ZNF343: variants seen among roughly 807,000 people sequenced by gnomAD.
ZNF343 encodes zinc finger protein 343.
A neutral mutation model predicts 13.8 loss-of-function variants in ZNF343; 11 were observed. That is an observed-to-expected ratio of 0.80 (90% CI 0.50 to 1.32). The LOEUF is 1.32. Ranked by LOEUF, ZNF343 falls within the 40% of genes most tolerant of loss-of-function variation. The probability of loss-of-function intolerance (pLI) is 0.00; values close to 1 mark genes in which losing one functional copy is unlikely to be tolerated. For synonymous variants in ZNF343, 248 were observed against 260.0 expected, an observed-to-expected ratio of 0.95 and a Z score of 0.44; for missense variants, 658 against 714.2, an observed-to-expected ratio of 0.92 and a Z score of 0.90.
chr20:2,516,637 T>C (rs1039449347), intron 1 of ZNF343, among the ~76,000 whole-genome samples: 5 of 151,784 alleles, frequency 3.3e-5, no homozygotes, highest in African/African-American at 9.7e-5. Context: ...CAAGGGCAAG[T>C]GTCAAGATGA....
chr20:2,509,229 A>G (rs1473499148), upstream of ZNF343: 2 of 152,166 alleles, frequency 1.3e-5, no homozygotes, highest in African/African-American at 2.4e-5. Context: ...AGCGGGAGCA[A>G]TGCGCTGTCT....
intron 2 of ZNF343, among the ~76,000 whole-genome samples, chr20:2,494,382 G>T (rs989261096): frequency 2.6e-5 from 4 of 152,096 alleles, no homozygotes; most frequent in African/African-American, 9.7e-5. Context: ...TGTGGAGAAA[G>T]AGCCTCTGAC....
At chr20:2,488,191 C>T (rs749428773) in intron 5 of ZNF343, among the ~76,000 whole-genome samples, 1 of 152,108 alleles carries the variant, frequency 6.6e-6, no homozygotes, top group Non-Finnish European at 1.5e-5. Flanking sequence ...TTTAGAAAAC[C>T]TTTTCCTGTG....
chr20:2,502,189 G>A (rs1003601046), intron 1 of ZNF343, among the ~76,000 whole-genome samples: 1 of 152,182 alleles, frequency 6.6e-6, no homozygotes, highest in East Asian at 1.9e-4. Context: ...TAGCCGACTT[G>A]ATCAACTGGA....
At chr20:2,498,449 G>C (rs575429108) in intron 2 of ZNF343, among the ~76,000 whole-genome samples, 1 of 152,334 alleles carries the variant, frequency 6.6e-6, no homozygotes, top group East Asian at 1.9e-4. Flanking sequence ...GAGTAAATGT[G>C]TGACTAAATC....
intron 2 of ZNF343, among the ~76,000 whole-genome samples, chr20:2,500,128 G>A (rs2085535311): frequency 6.6e-6 from 1 of 151,570 alleles, no homozygotes; most frequent in Admixed American, 6.6e-5. Flanking sequence ...GAGGTGGGGG[G>A]CTCAATGAAA....
intron 2 of ZNF343, among the ~76,000 whole-genome samples, chr20:2,500,110 A>C (rs11699971): frequency 0.12 from 18,132 of 151,160 alleles, 1,160 homozygotes; most frequent in East Asian, 0.16. Context: ...CAAAAACAAG[A>C]AAATGAGGAG....
At chr20:2,502,532 GA>G (rs1671129887) in intron 1 of ZNF343, among the ~76,000 whole-genome samples, 1 of 152,064 alleles carries the variant, frequency 6.6e-6, no homozygotes, top group African/African-American at 2.4e-5. Flanking sequence ...AAGTTGAAAT[GA>G]AGGAAAAAAT....
intron 3 of ZNF343, 51 bp downstream of exon 3, chr20:2,493,727 C>G: frequency 6.6e-7 from 1 of 1,525,146 alleles, no homozygotes; most frequent in African/African-American, 1.4e-5. Flanking sequence ...TCAGGTGAAC[C>G]TGGAGCCTTG....
upstream of ZNF343, among the ~76,000 whole-genome samples, chr20:2,511,555 T>C (rs767834257): frequency 8.5e-5 from 13 of 152,214 alleles, no homozygotes; most frequent in Non-Finnish European, 1.6e-4. Flanking sequence ...ATCACGTGAA[T>C]AAAATCTATG....
chr20:2,524,227 C>T (rs1264192294), intron 1 of ZNF343, among the ~76,000 whole-genome samples: 2 of 150,146 alleles, frequency 1.3e-5, no homozygotes. Flanking sequence ...TTAGGATCTG[C>T]TTGAGCTGGG....
chr20:2,484,407 T>C lies in ZNF343; in HGVS notation c.554A>G (p.Glu185Gly). 6.2e-7 allele frequency: 1 copy of C among 1,614,212 alleles called. No homozygotes were observed. Among genetic ancestry groups the C allele is most frequent in the Non-Finnish European group, 8.5e-7 (1 of 1,180,036 alleles). ...GGSKPWSART[E>G]ERETSRAFPS... ...GAATGCCCTTGAGGTTTCTCTCTCC[T>C]CTGTCCTTGCAGACCAGGGTTTGGA... Residue 185 changes from glutamate (E) to glycine (G), a missense_variant, in exon 6 of 6, where the codon GAG becomes GGG. Physicochemically the swap from Glu to Gly is moderately conservative, Grantham distance 98. Coordinates refer to ENST00000278772, the MANE Select transcript of ZNF343 (RefSeq NM_024325.6).
upstream of ZNF343, chr20:2,524,579 G>A: frequency 6.6e-6 from 1 of 152,616 alleles, no homozygotes; most frequent in East Asian, 1.9e-4. Flanking sequence ...CGCCCGAACC[G>A]CCAGGACCGA....
intron 2 of ZNF343, among the ~76,000 whole-genome samples, chr20:2,498,673 C>T (rs1193558668): frequency 2.0e-5 from 3 of 152,210 alleles, no homozygotes; most frequent in Non-Finnish European, 2.9e-5. Flanking sequence ...ATGTGCCAGG[C>T]ACTACCTTAT....
intron 1 of ZNF343, among the ~76,000 whole-genome samples, chr20:2,506,556 C>G (rs1260779307): frequency 2.0e-5 from 3 of 152,116 alleles, no homozygotes; most frequent in African/African-American, 7.2e-5. Flanking sequence ...AAATGTCCAA[C>G]AATGATAGAC....
chr20:2,483,995 C>A lies in ZNF343; in HGVS notation c.966G>T (p.Glu322Asp). ...LSRHQRTHSE[E>D]KPYLCRECGQ... ...CACACTCCCTGCACAAATAAGGCTT[C>A]TCTTCTGAATGTGTTCTCTGGTGTC... Residue 322 changes from glutamate (E) to aspartate (D), a missense_variant, in exon 6 of 6, where the codon GAG becomes GAT. Glu to Asp is a conservative substitution (Grantham distance 45). Transcript: ENST00000278772. The A allele has an allele frequency of 6.2e-7, 1 of 1,614,198 alleles. No homozygotes were observed. The highest frequency in any genetic ancestry group is 8.5e-7 in the Non-Finnish European group (1 of 1,180,032).
chr20:2,484,169 T>G lies in ZNF343; in HGVS notation c.792A>C (p.Leu264Phe). 1 of 1,614,240 alleles carries G rather than the reference T, an allele frequency of 6.2e-7. No individual in the cohort carries two copies. Among genetic ancestry groups the G allele is most frequent in the Non-Finnish European group, 8.5e-7 (1 of 1,180,042 alleles). The change falls in exon 6 of 6, where the codon TTA becomes TTC. Residue 264 changes from leucine to phenylalanine, a missense_variant. Leu to Phe is a conservative substitution (Grantham distance 22, BLOSUM62 0). Transcript: ENST00000278772. Reference sequence around the variant, plus strand: ...CACTGCAAATGTAGGGCTTCTTCCCTAAGAGGGTCCTCGGGTTTGTAATAA... The same window carrying G: ...CACTGCAAATGTAGGGCTTCTTCCCGAAGAGGGTCCTCGGGTTTGTAATAA... Reference protein sequence around the residue: ...SNFITNPRTLLGKKPYICSDC... With the variant: ...SNFITNPRTLFGKKPYICSDC...
chr20:2,494,598 G>A (rs6083448), intron 2 of ZNF343, among the ~76,000 whole-genome samples: 65,595 of 151,548 alleles, frequency 0.43, 14,505 homozygotes, highest in Non-Finnish European at 0.48. Flanking sequence ...GCGAAATGCC[G>A]TCTCTACAAA....
rs2085697151 is a variant in ZNF343 at position 2,508,139 on chromosome 20, G to A, written c.-237+742C>T. Reference sequence around the variant, plus strand: ...CCCCATTCAAAAGAGCTGCCTAGATGCCTGTCAGAGTGATACAGCCCACCA... The same window carrying A: ...CCCCATTCAAAAGAGCTGCCTAGATACCTGTCAGAGTGATACAGCCCACCA... On this transcript the variant is annotated intron_variant, in intron 1 of 5. Transcript: ENST00000278772. The surrounding 1 kb of genome is among the most constrained non-coding windows in gnomAD (Gnocchi z 4.5). 6.6e-6 allele frequency among the ~76,000 whole-genome samples: 1 copy of A among 152,050 alleles called. No homozygotes were observed. The highest frequency in any genetic ancestry group is 1.5e-5 in the Non-Finnish European group (1 of 68,012).
Sources: gnomAD v4.1 joint callset for allele counts (sites outside exome capture counted in the v4.1 genomes callset) on GRCh38, gnomAD v4.1.1 for gene constraint, Gnocchi (gnomAD v3.1) non-coding constraint, MANE v1.5 for transcripts, NCBI Gene and HGNC (gene_info 2026-07-23, HGNC 2026-07-21) for gene names.